Variants in TLE2 observed in about 807,000 individuals in gnomAD.
The protein encoded by TLE2 is TLE family member 2, transcriptional corepressor.
A neutral mutation model predicts 97.2 loss-of-function variants in TLE2; 74 were observed. That is an observed-to-expected ratio of 0.76 (90% CI 0.63 to 0.92). TLE2 has a LOEUF of 0.92. TLE2 is among the 40% of genes least tolerant of loss of function. The pLI is 0.00. For synonymous variants in TLE2, 499 were observed against 432.1 expected (o/e 1.15, Z -1.92); for missense variants, 1,038 against 1,008.7 (o/e 1.03, Z -0.39).
Position 3,029,143 on chromosome 19 carries a change from A to G in TLE2, c.-239T>C, listed in dbSNP as rs2089996638. 4 of 999,120 alleles carry G rather than the reference A, an allele frequency of 4.0e-6. No individual in the cohort carries two copies. Among genetic ancestry groups the G allele is most frequent in the South Asian group, 9.2e-5 (2 of 21,766 alleles). 61.9% of individuals were successfully genotyped at this position (999,120 alleles called of 1,614,324 possible). On this transcript the variant is annotated 5_prime_UTR_variant, in exon 1 of 20. Transcript: ENST00000262953. ...CGGGGCGAGCGGGGCGGGCAGGGGC[A>G]GCGGCCGGGGCGGGAGCGCGGCGAG... is the stretch of plus-strand genomic sequence containing the variant.
intron 11 of TLE2, among the ~76,000 whole-genome samples, chr19:3,013,287 C>T (rs759175033): frequency 2.0e-5 from 3 of 151,900 alleles, no homozygotes; most frequent in Non-Finnish European, 2.9e-5. Context: ...AGCTTGGGGC[C>T]GGTGTGTCTC....
intron 12 of TLE2, among the ~76,000 whole-genome samples, 185 bp from the exon 13 acceptor site, chr19:3,009,887 C>CTTTTTT (rs1555691086): frequency 4.7e-5 from 7 of 148,400 alleles, no homozygotes; most frequent in African/African-American, 1.5e-4. Flanking sequence ...TTCTCTCTCT[C>CTTTTTT]TTTTTTTCTT....
intron 1 of TLE2, among the ~76,000 whole-genome samples, chr19:3,035,802 C>A (rs1446818292): frequency 6.6e-6 from 1 of 152,158 alleles, no homozygotes; most frequent in Admixed American, 6.5e-5. Context: ...TCGGCGCTCC[C>A]GGCGGGGTTT....
At chr19:3,041,752 A>G (rs2090105078) in intron 1 of TLE2, among the ~76,000 whole-genome samples, 3 of 152,192 alleles carry the variant, frequency 2.0e-5, no homozygotes, top group Admixed American at 2.0e-4. Flanking sequence ...TAGGCGCCCA[A>G]TAAATACAGG....
At chr19:3,022,336 A>G (rs2089860699) in intron 5 of TLE2, among the ~76,000 whole-genome samples, 1 of 152,148 alleles carries the variant, frequency 6.6e-6, no homozygotes. Context: ...AGCCTGGCCA[A>G]CATGGTGAAA....
intron 1 of TLE2, among the ~76,000 whole-genome samples, chr19:3,037,978 C>T (rs1007016599): frequency 1.1e-4 from 17 of 151,836 alleles, no homozygotes; most frequent in South Asian, 8.3e-4. Flanking sequence ...AAAAATTAGT[C>T]GAGCAAGGTG....
At chr19:3,024,295 C>T (rs964831510) in intron 5 of TLE2, among the ~76,000 whole-genome samples, 14 of 152,004 alleles carry the variant, frequency 9.2e-5, no homozygotes, top group South Asian at 2.1e-4. Flanking sequence ...CAGGAGCCAC[C>T]GCACCTGGCC....
chr19:3,025,297 C>A, intron 4 of TLE2: 1 of 1,252,696 alleles, frequency 8.0e-7, no homozygotes, highest in Non-Finnish European at 1.0e-6. Context: ...CCAGGGTGGC[C>A]TGGAGCTGGG....
At chr19:3,021,308 G>A (rs1002698970) in intron 5 of TLE2, among the ~76,000 whole-genome samples, 2 of 150,626 alleles carry the variant, frequency 1.3e-5, no homozygotes, top group Admixed American at 1.3e-4. Flanking sequence ...GGGAGGCTGG[G>A]GCAGGAGAAA....
upstream of TLE2, among the ~76,000 whole-genome samples, chr19:3,032,701 C>T (rs571627638): frequency 7.2e-5 from 11 of 152,144 alleles, no homozygotes; most frequent in East Asian, 1.4e-3. This position sits in a 1 kb window ranked among gnomAD's most constrained non-coding sequence, Gnocchi z 4.1. Context: ...CAGAAACCGC[C>T]GGCCACACTC....
In TLE2 at chr19:3,005,842, G is replaced by T. The variant is rs758377809; in HGVS notation, c.1627C>A (p.Leu543Met). The change falls in exon 16 of 20, where the codon CTG (leucine) becomes ATG (methionine). Residue 543 changes from leucine to methionine, a missense_variant. Physicochemically the swap from Leu to Met is conservative, Grantham distance 15 (BLOSUM62 2). Coordinates refer to ENST00000262953, the MANE Select transcript of TLE2 (RefSeq NM_003260.5). ...AAPTPRIKAE[L>M]TSSAPACYAL... ...TAGCAGGCTGGGGCTGAGGAAGTCA[G>T]CTCGGCCTTGATACGGGGGGTGGGC... is the stretch of plus-strand genomic sequence containing the variant. The T allele has an allele frequency of 3.7e-6, 6 of 1,613,868 alleles. No homozygotes were observed. The highest frequency in any genetic ancestry group is 5.1e-6 in the Non-Finnish European group (6 of 1,179,878).
intron 19 of TLE2, among the ~76,000 whole-genome samples, chr19:2,998,362 C>G (rs2089272572): frequency 6.6e-6 from 1 of 151,534 alleles, no homozygotes; most frequent in South Asian, 2.1e-4. Flanking sequence ...ACTGCAACCT[C>G]CGCCTCCCAG....
intron 1 of TLE2, among the ~76,000 whole-genome samples, chr19:3,041,044 T>TTTTTTTTC: frequency 9.9e-6 from 1 of 101,310 alleles, no homozygotes; most frequent in Admixed American, 1.0e-4. Flanking sequence ...TTTTTTTTTT[T>TTTTTTTTC]GAGACAGAGT....
At chr19:3,015,993 G>C in intron 8 of TLE2, 1 of 621,056 alleles carries the variant, frequency 1.6e-6, no homozygotes, top group Non-Finnish European at 3.0e-6. Context: ...CTGGAGTGCA[G>C]TGGAGCCATC....
intron 15 of TLE2, 177 bp from the exon 16 acceptor site, chr19:3,006,145 G>A (rs1341279217): frequency 2.1e-6 from 2 of 952,212 alleles, no homozygotes; most frequent in African/African-American, 3.2e-5. Context: ...TGCCCCATCT[G>A]ACTATAAGCT....
rs1568235715 is a variant in TLE2, at chr19:3,009,560, C to T, written c.1155G>A (p.Val385=). Residue 385 remains valine, a synonymous_variant, in exon 13 of 20, where the codon GTG becomes GTA. Coordinates refer to ENST00000262953, the MANE Select transcript of TLE2 (RefSeq NM_003260.5). ...HLSPQVSSSV[V]YGRSPVMAFE... ...GACTCACCACGGGGGAGCGTCCGTA[C>T]ACCACAGAGCTGCTGACCTGGGGGG... 2.5e-6 allele frequency: 4 copies of T among 1,611,722 alleles called. No homozygotes were observed. Among genetic ancestry groups the T allele is most frequent in the Non-Finnish European group, 3.4e-6 (4 of 1,179,026 alleles).
In TLE2 at chr19:3,014,573, G is replaced by C; in HGVS notation, c.720C>G (p.Asp240Glu). The C allele has an allele frequency of 6.3e-7, 1 of 1,589,540 alleles. No homozygotes were observed. Among genetic ancestry groups the C allele is most frequent in the Non-Finnish European group, 8.6e-7 (1 of 1,167,820 alleles). ...GAGGCTGGACCCCTGGACTCACCTCGTCCACCACCAGATTGTAATCACTCT... is the reference window on the plus strand; with the variant it reads ...GAGGCTGGACCCCTGGACTCACCTCCTCCACCACCAGATTGTAATCACTCT... ...EDKSDYNLVV[D>E]EDQPSEPPSP... The change falls in exon 10 of 20, where the codon GAC becomes GAG. Residue 240 changes from aspartate (D) to glutamate (E), a missense_variant. Coordinates refer to ENST00000262953, the MANE Select transcript of TLE2 (RefSeq NM_003260.5).
At chr19:3,015,331 G>T (rs2089679154) in intron 9 of TLE2, among the ~76,000 whole-genome samples, 3 of 152,224 alleles carry the variant, frequency 2.0e-5, no homozygotes, top group African/African-American at 7.2e-5. Context: ...AAGGCTTCTT[G>T]TAGGAGGTGG....
chr19:3,000,754 AG>A, intron 18 of TLE2, 31 bp from the exon 19 acceptor site: 1 of 1,520,348 alleles, frequency 6.6e-7, no homozygotes, highest in South Asian at 1.2e-5. Context: ...GGGTTCAAGG[AG>A]GGGGCACTAA....
Sources: allele counts gnomAD v4.1 joint callset (sites outside exome capture counted in the v4.1 genomes callset), GRCh38; gene constraint gnomAD v4.1.1; non-coding constraint Gnocchi (gnomAD v3.1); transcripts MANE v1.5; gene names NCBI Gene and HGNC (gene_info 2026-07-23, HGNC 2026-07-21).